The following SDR42E1 variants were observed in gnomAD, a reference collection of about 807,000 sequenced individuals.
SDR42E1 encodes short-chain dehydrogenase/reductase family 42E member 1.
A neutral mutation model predicts 2.6 loss-of-function variants in SDR42E1; 5 were observed. The ratio of observed to expected loss-of-function variants is 1.94; its 90% CI spans 1.01 to 4.08. SDR42E1 has a LOEUF of 4.08. Among genes scored for constraint, SDR42E1 ranks in the 30% most tolerant of loss-of-function variants. The pLI is 0.00. For missense variants in SDR42E1, 596 were observed against 478.6 expected (o/e 1.25, Z -2.29); for synonymous variants, 231 against 188.3 (o/e 1.23, Z -1.86).
rs751981686 is a variant in SDR42E1, at chr16:81,999,824, A to C, written c.469T>G (p.Ser157Ala). The C allele has an allele frequency of 5.0e-6, 8 of 1,614,134 alleles. No individual in the cohort carries two copies. Among genetic ancestry groups the C allele is most frequent in the Non-Finnish European group, 6.8e-6 (8 of 1,180,024 alleles). Residue 157 changes from serine to alanine, a missense_variant, in exon 3 of 3, where the codon TCA becomes GCA. Physicochemically the swap from Ser to Ala is moderately conservative, Grantham distance 99. Transcript: ENST00000328945. ...TCCAGCACCTTCTGCTCTGCAATTG[A>C]CTTTGTCCGAGAGTAGTGATCAGGG... is the stretch of plus-strand genomic sequence containing the variant. ...LHPDHYSRTK[S>A]IAEQKVLEAN...
In SDR42E1 at chr16:82,001,089, T is replaced by C. The variant is rs921914678; in HGVS notation, c.-26-205A>G. Reference sequence around the variant, plus strand: ...ACCCGATGTAACATGGGGACAGTAATACCTGCTCTGCCCACCTGAAAAGGT... The same window carrying C: ...ACCCGATGTAACATGGGGACAGTAACACCTGCTCTGCCCACCTGAAAAGGT... On this transcript the variant is annotated intron_variant, in intron 1 of 2. Transcript: ENST00000328945. Among the ~76,000 whole-genome samples, 3 of 152,342 alleles carry C rather than the reference T, an allele frequency of 2.0e-5. 1 individual carries two copies. In the South Asian group the frequency reaches 6.2e-4, roughly 32 times the overall value.
intron 1 of SDR42E1, among the ~76,000 whole-genome samples, chr16:82,009,473 C>G (rs748546813): frequency 1.1e-4 from 17 of 152,252 alleles, no homozygotes; most frequent in Non-Finnish European, 1.9e-4. Context: ...GGATATGGGA[C>G]ACGGAGTCAA....
chr16:81,990,862 T>G lies in SDR42E1; in HGVS notation c.*8249A>C, dbSNP rs140211604. 1 of 152,312 alleles carries G rather than the reference T, an allele frequency of 6.6e-6. No homozygotes were observed. Among genetic ancestry groups the G allele is most frequent in the East Asian group, 1.9e-4 (1 of 5,180 alleles). The allele number at this position is 152,312 out of a possible 1,614,324, so 9.4% of individuals were successfully genotyped here. A position where few individuals can be genotyped will look rare whatever the true frequency, so the allele number is the denominator to read the frequency against. ...AGAGACACTTCCACTGTGAAGTGCTTTGTAAAAAGTTCACCCTTCTTTGGG... is the reference window on the plus strand; with the variant it reads ...AGAGACACTTCCACTGTGAAGTGCTGTGTAAAAAGTTCACCCTTCTTTGGG... On this transcript the variant is annotated 3_prime_UTR_variant, in exon 3 of 3. Coordinates refer to ENST00000328945, the MANE Select transcript of SDR42E1 (RefSeq NM_145168.3).
At chr16:82,006,382 G>T (rs1192121916) in intron 1 of SDR42E1, among the ~76,000 whole-genome samples, 1 of 152,174 alleles carries the variant, frequency 6.6e-6, no homozygotes, top group Non-Finnish European at 1.5e-5. Flanking sequence ...TTCCATGCAT[G>T]ATCTGAAAAT....
Position 81,999,707 on chromosome 16 carries a change from G to T in SDR42E1, c.586C>A (p.His196Asn). 1.2e-6 allele frequency: 2 copies of T among 1,614,216 alleles called. No homozygotes were observed. Among genetic ancestry groups the T allele is most frequent in the South Asian group, 1.1e-5 (1 of 91,084 alleles). Reference protein sequence around the residue: ...AGIYGPGEQRHLPRIVSYIEK... With the variant: ...AGIYGPGEQRNLPRIVSYIEK... The stretch of plus-strand genomic sequence containing the variant: ...ATGTAGCTGACTATCCTGGGAAGGT[G>T]TCTTTGTTCTCCAGGCCCATAGATG... The change falls in exon 3 of 3, where the codon CAC becomes AAC. Residue 196 changes from histidine to asparagine, a missense_variant. His to Asn is a moderately conservative substitution (Grantham distance 68, BLOSUM62 1). Transcript: ENST00000328945.
intron 1 of SDR42E1, 79 bp from the exon 2 acceptor site, chr16:82,000,963 A>G (rs1912738776): frequency 3.4e-6 from 3 of 895,006 alleles, no homozygotes; most frequent in African/African-American, 1.7e-5. Context: ...AACAAAAACA[A>G]AAAGTCAATA....
rs1912485324 is a variant in SDR42E1, at chr16:81,993,979, A to G, written c.*5132T>C. The G allele has an allele frequency of 6.6e-6, 1 of 152,216 alleles. No homozygotes were observed. The highest frequency in any genetic ancestry group is 2.1e-4 in the South Asian group (1 of 4,832). The allele number at this position is 152,216 out of a possible 1,614,324, so 9.4% of individuals were successfully genotyped here. A position where few individuals can be genotyped will look rare whatever the true frequency, so the allele number is the denominator to read the frequency against. ...GACCAAAAGACGACCCCCGTTTGAA[A>G]GAAAGAGGGCACAGAGGTGAGTGGA... On this transcript the variant is annotated 3_prime_UTR_variant, in exon 3 of 3. Coordinates refer to ENST00000328945, the MANE Select transcript of SDR42E1 (RefSeq NM_145168.3).
chr16:81,994,154 A>G lies in SDR42E1; in HGVS notation c.*4957T>C, dbSNP rs1483355356. The G allele has an allele frequency of 6.6e-6, 1 of 152,184 alleles. No homozygotes were observed. The highest frequency in any genetic ancestry group is 1.5e-5 in the Non-Finnish European group (1 of 68,038). The allele number at this position is 152,184 out of a possible 1,614,324, so 9.4% of individuals were successfully genotyped here. A position where few individuals can be genotyped will look rare whatever the true frequency, so the allele number is the denominator to read the frequency against. ...AGAAAGTGAACTGAAGACTCACGTG[A>G]GAGGACGATCTGGAATGATGAGCGT... On this transcript the variant is annotated 3_prime_UTR_variant, in exon 3 of 3. Transcript: ENST00000328945.
intron 1 of SDR42E1, among the ~76,000 whole-genome samples, chr16:82,003,439 A>G (rs949757027): frequency 2.0e-5 from 3 of 152,234 alleles, no homozygotes; most frequent in African/African-American, 7.2e-5. Flanking sequence ...TTACTGATAT[A>G]TCAATACAGA....
Position 81,994,522 on chromosome 16 carries a change from G to C in SDR42E1, c.*4589C>G, listed in dbSNP as rs969545138. The C allele has an allele frequency of 2.6e-5, 4 of 152,234 alleles. No homozygotes were observed. The highest frequency in any genetic ancestry group is 9.7e-5 in the African/African-American group (4 of 41,446). 9.4% of individuals were successfully genotyped at this position (152,234 alleles called of 1,614,324 possible). A position where few individuals can be genotyped will look rare whatever the true frequency, so the allele number is the denominator to read the frequency against. ...GGTCAGCCCCACGAAAGGGCTGGGAGGGACTTTTTGTCACCAAAAAGGAGC... is the reference window on the plus strand; with the variant it reads ...GGTCAGCCCCACGAAAGGGCTGGGACGGACTTTTTGTCACCAAAAAGGAGC... On this transcript the variant is annotated 3_prime_UTR_variant, in exon 3 of 3. Coordinates refer to ENST00000328945, the MANE Select transcript of SDR42E1 (RefSeq NM_145168.3).
At chr16:82,000,460 G>A in intron 2 of SDR42E1, 1 of 665,848 alleles carries the variant, frequency 1.5e-6, no homozygotes, top group Non-Finnish European at 2.7e-6. Flanking sequence ...AAGAATGGTG[G>A]CATTTTTCCC....
Position 81,999,008 on chromosome 16 carries a change from A to G in SDR42E1, c.*103T>C. On this transcript the variant is annotated 3_prime_UTR_variant, in exon 3 of 3. Transcript: ENST00000328945. ...AACCTATTCTTAAGTAGCAATTTGAAGAGCCAATGTTTGGCACCAGATATC... is the reference window on the plus strand; with the variant it reads ...AACCTATTCTTAAGTAGCAATTTGAGGAGCCAATGTTTGGCACCAGATATC... 8.1e-7 allele frequency: 1 copy of G among 1,233,610 alleles called. No individual in the cohort carries two copies. Among genetic ancestry groups the G allele is most frequent in the Non-Finnish European group, 1.1e-6 (1 of 894,366 alleles). The allele number at this position is 1,233,610 out of a possible 1,614,324, so 76.4% of individuals were successfully genotyped here. A position where few individuals can be genotyped will look rare whatever the true frequency, so the allele number is the denominator to read the frequency against.
chr16:82,001,999 T>G (rs1912784248), intron 1 of SDR42E1, among the ~76,000 whole-genome samples: 1 of 137,528 alleles, frequency 7.3e-6, no homozygotes, highest in Admixed American at 6.8e-5. Context: ...CACATATACC[T>G]GTGCTCAAGT....
chr16:81,993,132 C>T lies in SDR42E1; in HGVS notation c.*5979G>A, dbSNP rs1912465452. ...CTGCATAAAGGAGCAGGTGGGGGGT[C>T]ACTCGAATCCAAGGCCCTTTGGCGA... On this transcript the variant is annotated 3_prime_UTR_variant, in exon 3 of 3. Coordinates refer to ENST00000328945, the MANE Select transcript of SDR42E1 (RefSeq NM_145168.3). The T allele has an allele frequency of 6.6e-6, 1 of 152,186 alleles. No individual in the cohort carries two copies. Among genetic ancestry groups the T allele is most frequent in the Non-Finnish European group, 1.5e-5 (1 of 68,098 alleles). 9.4% of individuals were successfully genotyped at this position (152,186 alleles called of 1,614,324 possible). A position where few individuals can be genotyped will look rare whatever the true frequency, so the allele number is the denominator to read the frequency against.
chr16:82,008,383 G>A (rs1396857678), intron 1 of SDR42E1, among the ~76,000 whole-genome samples: 1 of 152,240 alleles, frequency 6.6e-6, no homozygotes, highest in African/African-American at 2.4e-5. Context: ...GCAACAGTTT[G>A]GAGGGCTCAG....
In SDR42E1 at chr16:81,995,732, C is replaced by G. The variant is rs973827058; in HGVS notation, c.*3379G>C. 5 of 152,194 alleles carry G rather than the reference C, an allele frequency of 3.3e-5. No individual in the cohort carries two copies. The highest frequency in any genetic ancestry group is 7.3e-5 in the Non-Finnish European group (5 of 68,046). The allele number at this position is 152,194 out of a possible 1,614,324, so 9.4% of individuals were successfully genotyped here. On this transcript the variant is annotated 3_prime_UTR_variant, in exon 3 of 3. Coordinates refer to ENST00000328945, the MANE Select transcript of SDR42E1 (RefSeq NM_145168.3). Reference sequence around the variant, plus strand: ...GAAAACAGCATTCATTGGACAAATACTTATTGAACTCCTGCACTGTGCCGG... The same window carrying G: ...GAAAACAGCATTCATTGGACAAATAGTTATTGAACTCCTGCACTGTGCCGG...
At position 81,999,208 on chromosome 16, in the gene SDR42E1, CG is replaced by C; in HGVS notation, c.1084del (p.Arg362ValfsTer16). On this transcript the variant is annotated frameshift_variant, in exon 3 of 3. Transcript: ENST00000328945. LOFTEE classifies it low-confidence loss of function (END_TRUNC). ...ATCCCAAACAAAACACTCCGAGTCACGACTTCCAGAACTTCTGCCATGACCA... is the reference window on the plus strand; with the variant it reads ...ATCCCAAACAAAACACTCCGAGTCACACTTCCAGAACTTCTGCCATGACCA... Reference protein sequence around the residue: ...AHGHGRSSGSRDSECFVWDGL... With the variant: ...AHGHGRSSGSXDSECFVWDGL... 3 of 1,614,206 alleles carry C rather than the reference CG, an allele frequency of 1.9e-6. No individual in the cohort carries two copies. The highest frequency in any genetic ancestry group is 2.5e-6 in the Non-Finnish European group (3 of 1,180,036).
Position 81,997,155 on chromosome 16 carries a change from AC to A in SDR42E1, c.*1955del, listed in dbSNP as rs1912560617. 2 of 152,326 alleles carry A rather than the reference AC, an allele frequency of 1.3e-5. No individual in the cohort carries two copies. Among genetic ancestry groups the A allele is most frequent in the African/African-American group, 4.8e-5 (2 of 41,566 alleles). The allele number at this position is 152,326 out of a possible 1,614,324, so 9.4% of individuals were successfully genotyped here. On this transcript the variant is annotated 3_prime_UTR_variant, in exon 3 of 3. Coordinates refer to ENST00000328945, the MANE Select transcript of SDR42E1 (RefSeq NM_145168.3). ...CATTCAAAATAATGTTCCCAGTACC[AC>A]TGCCAGCTTGAATGGAAAGGGATAT...
chr16:81,999,066 G>C lies in SDR42E1; in HGVS notation c.*45C>G, dbSNP rs756195665. 1 of 1,569,448 alleles carries C rather than the reference G, an allele frequency of 6.4e-7. No individual in the cohort carries two copies. Among genetic ancestry groups the C allele is most frequent in the Non-Finnish European group, 8.6e-7 (1 of 1,161,440 alleles). On this transcript the variant is annotated 3_prime_UTR_variant, in exon 3 of 3. Transcript: ENST00000328945. The stretch of plus-strand genomic sequence containing the variant: ...ACATTTTAAAACCCATGTTTCTTGA[G>C]AACCATCTCAGCCAACTGTGATCAC...
Sources: gnomAD v4.1 joint callset for allele counts (sites outside exome capture counted in the v4.1 genomes callset) on GRCh38, gnomAD v4.1.1 for gene constraint, MANE v1.5 for transcripts, NCBI Gene and HGNC (gene_info 2026-07-23, HGNC 2026-07-21) for gene names.